The following GRIK4 variants were observed in gnomAD, a reference collection of about 807,000 sequenced individuals.
GRIK4 encodes the protein glutamate receptor ionotropic, kainate 4.
Under a neutral mutation model 104.9 loss-of-function variants are expected in GRIK4, and 40 were observed. The ratio of observed to expected loss-of-function variants is 0.38; its 90% CI spans 0.30 to 0.50. The LOEUF (loss-of-function observed/expected upper bound fraction) is 0.50. Ranked by LOEUF, GRIK4 falls within the 20% of genes least tolerant of loss-of-function variation. The probability of loss-of-function intolerance (pLI) is 0.93; values close to 1 mark genes in which losing one functional copy is unlikely to be tolerated. For missense variants in GRIK4, 1,047 were observed against 1,308.1 expected, an observed-to-expected ratio of 0.80 and a Z score of 3.08; for synonymous variants, 485 against 524.9, an observed-to-expected ratio of 0.92 and a Z score of 1.04.
chr11:120,742,582 A>G (rs1461298967), intron 3 of GRIK4, among the ~76,000 whole-genome samples: 1 of 151,312 alleles, frequency 6.6e-6, no homozygotes, highest in Admixed American at 6.6e-5. Context: ...CAGTGGTGCT[A>G]AGAATGGCTA....
chr11:120,604,228 A>G (rs1302523983), intron 1 of GRIK4, among the ~76,000 whole-genome samples: 1 of 145,404 alleles, frequency 6.9e-6, no homozygotes, highest in Non-Finnish European at 1.5e-5. Flanking sequence ...TTTGGAAGCT[A>G]CTAACATTCT....
rs567778635 is a variant in GRIK4, at chr11:120,934,740, T to C, written c.1477-5607T>C. On this transcript the variant is annotated intron_variant, in intron 13 of 20. Coordinates refer to ENST00000527524, the MANE Select transcript of GRIK4 (RefSeq NM_014619.5). ...CAAAAATAGGGAGAGGAGAGAGGTCTTTCTCTCGGAGGGAATGTATTTATA... is the reference window on the plus strand; with the variant it reads ...CAAAAATAGGGAGAGGAGAGAGGTCCTTCTCTCGGAGGGAATGTATTTATA... Among the ~76,000 whole-genome samples, 3 of 152,214 alleles carry C rather than the reference T, an allele frequency of 2.0e-5. No homozygotes were observed. In the East Asian group the frequency reaches 5.8e-4, roughly 29 times the overall value.
At chr11:120,680,361 A>G (rs11217969) in intron 3 of GRIK4, among the ~76,000 whole-genome samples, 88,039 of 151,674 alleles carry the variant, frequency 0.58, 26,829 homozygotes, top group African/African-American at 0.77. Context: ...AGTATTACAG[A>G]CGTGAGCCAC....
intron 3 of GRIK4, among the ~76,000 whole-genome samples, chr11:120,747,943 A>G (rs1187325645): frequency 6.6e-6 from 1 of 152,146 alleles, no homozygotes; most frequent in Non-Finnish European, 1.5e-5. Context: ...TGATGAGTAA[A>G]CTTGACTATT....
In GRIK4 at chr11:120,901,788, G is replaced by A. The variant is rs116147121; in HGVS notation, c.1272+3149G>A. On this transcript the variant is annotated intron_variant, in intron 12 of 20. Coordinates refer to ENST00000527524, the MANE Select transcript of GRIK4 (RefSeq NM_014619.5). ...AGTTCTGGCACAGATCCACAGCTAC[G>A]CCAAGTCCACAGGGTCCTGTTGCTA... Among the ~76,000 whole-genome samples, 590 of 152,278 alleles carry A rather than the reference G, an allele frequency of 3.9e-3. 2 individuals carry two copies. Among genetic ancestry groups the A allele is most frequent in the African/African-American group, 0.013 (556 of 41,544 alleles).
intron 13 of GRIK4, among the ~76,000 whole-genome samples, chr11:120,908,422 A>AAC (rs147209887): frequency 9.3e-5 from 14 of 151,240 alleles, no homozygotes; most frequent in Admixed American, 3.3e-4. Context: ...GATTTAAAAT[A>AAC]ACACACACAC....
intron 1 of GRIK4, among the ~76,000 whole-genome samples, chr11:120,557,755 G>A (rs1001767832): frequency 6.6e-6 from 1 of 152,168 alleles, no homozygotes; most frequent in African/African-American, 2.4e-5. Context: ...GGTGGCTCAC[G>A]CCTGTAATCC....
intron 1 of GRIK4, among the ~76,000 whole-genome samples, chr11:120,572,402 G>A (rs1323499840): frequency 1.3e-5 from 2 of 152,184 alleles, no homozygotes; most frequent in Non-Finnish European, 2.9e-5. Flanking sequence ...AGGGAGTAGA[G>A]CGTTGCGGAG....
Position 120,617,896 on chromosome 11 carries a change from G to C in GRIK4, c.-158-35789G>C, listed in dbSNP as rs376311158. On this transcript the variant is annotated intron_variant, in intron 1 of 20. Coordinates refer to ENST00000527524, the MANE Select transcript of GRIK4 (RefSeq NM_014619.5). ...GTCTCAAATATTTCTTTATAGCAACGTGAGAATGGAATAATAATGAAAATT... is the reference window on the plus strand; with the variant it reads ...GTCTCAAATATTTCTTTATAGCAACCTGAGAATGGAATAATAATGAAAATT... 3.9e-5 allele frequency among the ~76,000 whole-genome samples: 6 copies of C among 152,230 alleles called. No individual in the cohort carries two copies. In the South Asian group the frequency reaches 8.3e-4, roughly 21 times the overall value.
At chr11:120,973,530 A>T (rs895452064) in intron 19 of GRIK4, among the ~76,000 whole-genome samples, 1 of 152,234 alleles carries the variant, frequency 6.6e-6, no homozygotes, top group Non-Finnish European at 1.5e-5. Context: ...CTTTGGAACA[A>T]GAGGTTGAGC....
intron 3 of GRIK4, among the ~76,000 whole-genome samples, chr11:120,703,346 G>A (rs1319623692): frequency 6.6e-6 from 1 of 152,170 alleles, no homozygotes; most frequent in Non-Finnish European, 1.5e-5. Flanking sequence ...CAAGAAGGTA[G>A]CATAATGTTC....
chr11:120,516,489 C>G (rs1029376704), intron 1 of GRIK4, among the ~76,000 whole-genome samples: 1 of 151,986 alleles, frequency 6.6e-6, no homozygotes, highest in African/African-American at 2.4e-5. Flanking sequence ...CGGATTGTCA[C>G]GGTAGACGGG....
At chr11:120,717,449 G>T (rs1431434760) in intron 3 of GRIK4, among the ~76,000 whole-genome samples, 1 of 152,114 alleles carries the variant, frequency 6.6e-6, no homozygotes, top group Non-Finnish European at 1.5e-5. Flanking sequence ...AGTGCTTAGG[G>T]ATTGGAGAAG....
At chr11:120,534,811 C>G (rs2508654) in intron 1 of GRIK4, among the ~76,000 whole-genome samples, 4 of 151,970 alleles carry the variant, frequency 2.6e-5, no homozygotes, top group Admixed American at 6.6e-5. Flanking sequence ...ACCAGGAAAA[C>G]CCCTGGGAGC....
At chr11:120,814,726 A>C (rs561683923) in intron 4 of GRIK4, among the ~76,000 whole-genome samples, 2 of 152,354 alleles carry the variant, frequency 1.3e-5, no homozygotes, top group African/African-American at 4.8e-5. Context: ...CTGGTCGGTC[A>C]GGACGGGACC....
chr11:120,690,695 T>C (rs569203006), intron 3 of GRIK4, among the ~76,000 whole-genome samples: 1 of 152,356 alleles, frequency 6.6e-6, no homozygotes, highest in East Asian at 1.9e-4. Flanking sequence ...ACCTGTGGCT[T>C]TGCTTTCTGA....
At chr11:120,701,799 G>A (rs1223936784) in intron 3 of GRIK4, among the ~76,000 whole-genome samples, 2 of 152,180 alleles carry the variant, frequency 1.3e-5, no homozygotes, top group Admixed American at 6.5e-5. Flanking sequence ...CCAGGTGAGA[G>A]AGGTTGCTGG....
intron 8 of GRIK4, among the ~76,000 whole-genome samples, chr11:120,838,429 T>C (rs1415829586): frequency 3.3e-5 from 5 of 152,250 alleles, no homozygotes; most frequent in African/African-American, 1.2e-4. Flanking sequence ...TATGATGCTT[T>C]CAGTTTTCAA....
intron 13 of GRIK4, among the ~76,000 whole-genome samples, chr11:120,921,264 G>C (rs1316028762): frequency 6.6e-6 from 1 of 152,198 alleles, no homozygotes; most frequent in Admixed American, 6.5e-5. Flanking sequence ...AGTTTCCTGA[G>C]GTCAGGAACT....
Sources: gnomAD v4.1 joint callset for allele counts (sites outside exome capture counted in the v4.1 genomes callset) on GRCh38, gnomAD v4.1.1 for gene constraint, MANE v1.5 for transcripts, NCBI Gene and HGNC (gene_info 2026-07-23, HGNC 2026-07-21) for gene names.